Variants in KPNA7 observed in about 807,000 individuals in gnomAD.
The protein encoded by KPNA7 is importin subunit alpha-8.
KPNA7 carries 54 observed loss-of-function variants against 53.7 expected under a neutral mutation model. The observed-to-expected ratio is 1.01, with a 90% CI of 0.81 to 1.26. The LOEUF (loss-of-function observed/expected upper bound fraction) is 1.26. Among genes scored for constraint, KPNA7 ranks in the 50% most tolerant of loss-of-function variants. The probability of loss-of-function intolerance (pLI) is 0.00; values close to 1 mark genes in which losing one functional copy is unlikely to be tolerated. For synonymous variants in KPNA7, 276 were observed against 259.3 expected (o/e 1.06, Z -0.62); for missense variants, 640 against 644.5 (o/e 0.99, Z 0.07).
At chr7:99,185,665 T>G (rs771039392) in intron 7 of KPNA7, among the ~76,000 whole-genome samples, 5 of 152,158 alleles carry the variant, frequency 3.3e-5, no homozygotes, top group Non-Finnish European at 7.3e-5. Context: ...AGGAACTTTC[T>G]GGCTTCCCAC....
intron 7 of KPNA7, among the ~76,000 whole-genome samples, chr7:99,185,416 A>C (rs1210847380): frequency 6.6e-6 from 1 of 152,140 alleles, no homozygotes; most frequent in African/African-American, 2.4e-5. Context: ...GCATGATCAT[A>C]GCTCACTGCA....
downstream of KPNA7, among the ~76,000 whole-genome samples, chr7:99,170,506 T>A (rs1798753101): frequency 1.3e-5 from 2 of 152,034 alleles, no homozygotes; most frequent in Admixed American, 6.6e-5. Flanking sequence ...GATAATTCTA[T>A]TTTTTTCTTT....
chr7:99,185,686 C>T (rs1412233491), intron 7 of KPNA7, among the ~76,000 whole-genome samples: 1 of 152,128 alleles, frequency 6.6e-6, no homozygotes, highest in Non-Finnish European at 1.5e-5. Context: ...TTGTTTGGCT[C>T]AAGTGGGACA....
the KPNA7 span, among the ~76,000 whole-genome samples, chr7:99,163,374 TATA>T: frequency 6.2e-4 from 39 of 63,178 alleles, no homozygotes; most frequent in East Asian, 4.2e-3. Flanking sequence ...TATATATATA[TATA>T]TATATATTTT....
chr7:99,218,204 T>C (rs1441271587), intron 1 of KPNA7, among the ~76,000 whole-genome samples: 1 of 152,154 alleles, frequency 6.6e-6, no homozygotes, highest in Non-Finnish European at 1.5e-5. Context: ...CCTCGCTATG[T>C]TGCCTACTCT....
Position 99,196,086 on chromosome 7 carries a change from G to A in KPNA7, c.282C>T (p.Ala94=). The stretch of plus-strand genomic sequence containing the variant: ...AGCAGAAGTCTGTTTGGAGATACCT[G>A]GCTGTCTGGGTGGCCTGGAAACATA... The part of the protein sequence containing the change: ...PVLCFQATQT[A]RKMLSQEKNP... Residue 94 remains alanine, a splice_region_variant and synonymous_variant, in exon 4 of 11, where the codon GCC becomes GCT. Transcript: ENST00000327442. 6.4e-7 allele frequency: 1 copy of A among 1,551,130 alleles called. No individual in the cohort carries two copies. Among genetic ancestry groups the A allele is most frequent in the South Asian group, 1.2e-5 (1 of 84,032 alleles).
chr7:99,176,086 C>A (rs1303155412), intron 10 of KPNA7, among the ~76,000 whole-genome samples: 1 of 151,722 alleles, frequency 6.6e-6, no homozygotes, highest in South Asian at 2.1e-4. Flanking sequence ...ATCACGAGGT[C>A]AGGAGATCAA....
At chr7:99,218,124 C>T (rs1470874941) in intron 1 of KPNA7, among the ~76,000 whole-genome samples, 5 of 152,052 alleles carry the variant, frequency 3.3e-5, no homozygotes, top group East Asian at 1.9e-4. Flanking sequence ...CTCAGCCTCC[C>T]GAGTAGCCAG....
intron 5 of KPNA7, among the ~76,000 whole-genome samples, chr7:99,194,598 G>A (rs1000888155): frequency 3.3e-5 from 5 of 152,022 alleles, no homozygotes; most frequent in African/African-American, 1.2e-4. Context: ...CTCTAAACTT[G>A]GATTTGAGGG....
chr7:99,160,488 G>A, the KPNA7 span, among the ~76,000 whole-genome samples: 47 of 151,712 alleles, frequency 3.1e-4, no homozygotes, highest in South Asian at 6.1e-3. Flanking sequence ...ACAGGGTCTC[G>A]CTATGTTGCC....
At chr7:99,203,050 A>T in intron 3 of KPNA7, 56 bp downstream of exon 3, 1 of 1,526,466 alleles carries the variant, frequency 6.6e-7, no homozygotes, top group Middle Eastern at 1.7e-4. Flanking sequence ...ATCCAGCCAG[A>T]GACACTTGCT....
rs1395178033 is a variant in KPNA7 at position 99,181,163 on chromosome 7, CTCTCCGTCTGTG to C, written c.1317+708_1317+719del. Among the ~76,000 whole-genome samples the C allele has an allele frequency of 9.9e-5, 13 of 131,402 alleles. 1 individual carries two copies. Among genetic ancestry groups the C allele is most frequent in the African/African-American group, 2.9e-4 (11 of 37,606 alleles). 86.2% of individuals were successfully genotyped at this position (131,402 alleles called of 152,430 possible). A position where few individuals can be genotyped will look rare whatever the true frequency, so the allele number is the denominator to read the frequency against. ...TGTCTCTCTCTCCGTCTGTGTCTCT[CTCTCCGTCTGTG>C]TCTCTCTCTCCGTCTGTGTCTCTCT... On this transcript the variant is annotated intron_variant, in intron 9 of 10. Coordinates refer to ENST00000327442, the MANE Select transcript of KPNA7 (RefSeq NM_001145715.3).
the KPNA7 span, among the ~76,000 whole-genome samples, chr7:99,162,424 C>T: frequency 3.9e-5 from 6 of 152,082 alleles, no homozygotes; most frequent in African/African-American, 1.2e-4. Flanking sequence ...GTGTTCACAC[C>T]GTAAACCAAC....
chr7:99,177,133 A>C (rs1169502359), intron 10 of KPNA7, among the ~76,000 whole-genome samples: 1 of 152,216 alleles, frequency 6.6e-6, no homozygotes, highest in Non-Finnish European at 1.5e-5. Context: ...CAAAAGGACA[A>C]ATACTGTACA....
chr7:99,176,815 G>A (rs1220312116), intron 10 of KPNA7, among the ~76,000 whole-genome samples: 2 of 152,096 alleles, frequency 1.3e-5, no homozygotes, highest in African/African-American at 4.8e-5. Context: ...GGGAAGTCAA[G>A]GCTACAGTGA....
the KPNA7 span, among the ~76,000 whole-genome samples, chr7:99,165,351 T>C: frequency 3.3e-5 from 5 of 150,246 alleles, no homozygotes; most frequent in Non-Finnish European, 7.4e-5. Context: ...GCCAAAGATC[T>C]GCCACCTAGG....
At chr7:99,159,159 CCGA>C in the KPNA7 span, among the ~76,000 whole-genome samples, 3 of 151,974 alleles carry the variant, frequency 2.0e-5, no homozygotes, top group African/African-American at 7.2e-5. Flanking sequence ...GCCACCATGC[CCGA>C]CAACATCCTA....
At chr7:99,182,205 C>T in intron 8 of KPNA7, 140 bp from the exon 9 acceptor site, 2 of 602,204 alleles carry the variant, frequency 3.3e-6, no homozygotes, top group Non-Finnish European at 5.6e-6. Context: ...GGCTACCTGC[C>T]TCTAGCTCTT....
chr7:99,199,901 A>C (rs1452023374), intron 3 of KPNA7, among the ~76,000 whole-genome samples: 2 of 151,934 alleles, frequency 1.3e-5, no homozygotes, highest in African/African-American at 4.9e-5. Flanking sequence ...TATTTGACTT[A>C]AAAATGGACA....
Sources: gnomAD v4.1 joint callset for allele counts (sites outside exome capture counted in the v4.1 genomes callset) on GRCh38, gnomAD v4.1.1 for gene constraint, MANE v1.5 for transcripts, NCBI Gene and HGNC (gene_info 2026-07-23, HGNC 2026-07-21) for gene names.